Variants in CTNND2 observed in about 807,000 individuals in gnomAD.
The protein encoded by CTNND2 is catenin delta-2.
In CTNND2, 22 loss-of-function variants were observed where a neutral mutation model predicts 144.4. That is an observed-to-expected ratio of 0.15 (90% CI 0.11 to 0.22). CTNND2 has a LOEUF of 0.22. Ranked by LOEUF, CTNND2 falls within the 10% of genes least tolerant of loss-of-function variation. The probability of loss-of-function intolerance (pLI) is 1.00; values close to 1 mark genes in which losing one functional copy is unlikely to be tolerated. For missense variants in CTNND2, 1,353 were observed against 1,618.8 expected (o/e 0.84, Z 2.82); for synonymous variants, 751 against 695.6 (o/e 1.08, Z -1.25).
At chr5:11,073,170 T>C (rs16901233) in intron 16 of CTNND2, among the ~76,000 whole-genome samples, 3,572 of 152,366 alleles carry the variant, frequency 0.023, 155 homozygotes, top group African/African-American at 0.081. Context: ...TCTTTCCACC[T>C]GATTGAGACT....
intron 2 of CTNND2, among the ~76,000 whole-genome samples, chr5:11,593,796 A>G (rs1486093897): frequency 6.6e-6 from 1 of 152,178 alleles, no homozygotes; most frequent in Non-Finnish European, 1.5e-5. Flanking sequence ...ATTTCTTCAT[A>G]ACAGTATGAA....
intron 11 of CTNND2, among the ~76,000 whole-genome samples, chr5:11,160,612 G>A (rs1758676232): frequency 6.6e-6 from 1 of 152,046 alleles, no homozygotes; most frequent in South Asian, 2.1e-4. Context: ...AAGAAAAAAA[G>A]GAACAGAGAA....
At chr5:11,248,156 T>C (rs912716840) in intron 9 of CTNND2, among the ~76,000 whole-genome samples, 2 of 151,964 alleles carry the variant, frequency 1.3e-5, no homozygotes, top group African/African-American at 4.8e-5. Context: ...GAACCTGGAG[T>C]GTAAATAAGA....
intron 8 of CTNND2, among the ~76,000 whole-genome samples, chr5:11,353,038 A>G (rs1210272497): frequency 6.6e-6 from 1 of 151,508 alleles, no homozygotes; most frequent in Non-Finnish European, 1.5e-5. Context: ...GTCACGATGA[A>G]TGATGAAGAG....
At chr5:11,304,884 C>T (rs868740442) in intron 9 of CTNND2, among the ~76,000 whole-genome samples, 4 of 152,296 alleles carry the variant, frequency 2.6e-5, no homozygotes, top group Middle Eastern at 6.8e-3. Flanking sequence ...AAGCTCAATG[C>T]GGAAAAGAAC....
At chr5:11,039,742 T>G (rs1744485087) in intron 16 of CTNND2, among the ~76,000 whole-genome samples, 1 of 152,086 alleles carries the variant, frequency 6.6e-6, no homozygotes, top group Non-Finnish European at 1.5e-5. Context: ...GTTCCTTATG[T>G]TTTTTTCTAA....
intron 9 of CTNND2, among the ~76,000 whole-genome samples, chr5:11,304,064 C>T (rs942095080): frequency 3.9e-5 from 6 of 152,112 alleles, no homozygotes; most frequent in Non-Finnish European, 7.4e-5. Flanking sequence ...GAGGCCTCCC[C>T]AGCCACGTGG....
At chr5:11,443,246 GT>G (rs1764456010) in intron 3 of CTNND2, among the ~76,000 whole-genome samples, 1 of 124,384 alleles carries the variant, frequency 8.0e-6, no homozygotes, top group African/African-American at 3.7e-5. Flanking sequence ...ATGTGTGTGT[GT>G]GTGTGCTGTG....
chr5:11,185,084 C>T (rs1034817031), intron 11 of CTNND2, among the ~76,000 whole-genome samples: 2 of 152,170 alleles, frequency 1.3e-5, no homozygotes, highest in East Asian at 1.9e-4. Flanking sequence ...AGAGAGTTTG[C>T]CCCTGTAACC....
chr5:11,406,122 G>C (rs1761086747), intron 5 of CTNND2, among the ~76,000 whole-genome samples: 1 of 152,150 alleles, frequency 6.6e-6, no homozygotes, highest in Non-Finnish European at 1.5e-5. Context: ...ACACCAGCCT[G>C]GGCAACAAAA....
At chr5:11,160,411 A>G (rs1268097892) in intron 11 of CTNND2, among the ~76,000 whole-genome samples, 1 of 152,270 alleles carries the variant, frequency 6.6e-6, no homozygotes, top group Non-Finnish European at 1.5e-5. Context: ...TCCACAATGG[A>G]CAGAGCGTCA....
intron 21 of CTNND2, among the ~76,000 whole-genome samples, chr5:10,974,058 A>C (rs546723687): frequency 8.4e-4 from 128 of 152,318 alleles, no homozygotes; most frequent in African/African-American, 2.9e-3. Context: ...ACCACTTTTT[A>C]AATCATCCCA....
At chr5:11,212,025 T>C (rs754581209) in intron 10 of CTNND2, among the ~76,000 whole-genome samples, 3 of 152,236 alleles carry the variant, frequency 2.0e-5, no homozygotes, top group Non-Finnish European at 4.4e-5. Flanking sequence ...TTATTATATG[T>C]ATTACATGAT....
At chr5:11,585,161 A>G (rs1778747664) in intron 2 of CTNND2, among the ~76,000 whole-genome samples, 1 of 152,064 alleles carries the variant, frequency 6.6e-6, no homozygotes, top group South Asian at 2.1e-4. Context: ...AGGTTGTTTC[A>G]CTAAGAGTCT....
chr5:11,379,848 G>A (rs762765999), intron 7 of CTNND2, among the ~76,000 whole-genome samples: 2 of 152,066 alleles, frequency 1.3e-5, no homozygotes, highest in Non-Finnish European at 2.9e-5. Context: ...TGGATAAAAC[G>A]CTAAGTCCAT....
chr5:11,362,810 C>T (rs1251768707), intron 8 of CTNND2, among the ~76,000 whole-genome samples: 4 of 152,088 alleles, frequency 2.6e-5, no homozygotes, highest in South Asian at 2.1e-4. Flanking sequence ...CTCCATTGAC[C>T]GCTTGGAGCA....
intron 3 of CTNND2, among the ~76,000 whole-genome samples, chr5:11,417,792 T>C (rs1762041963): frequency 6.6e-6 from 1 of 152,182 alleles, no homozygotes; most frequent in Non-Finnish European, 1.5e-5. Flanking sequence ...ATTTTGCTTC[T>C]ATGTAGAGAC....
chr5:11,223,605 G>T (rs1008055823), intron 10 of CTNND2, among the ~76,000 whole-genome samples: 11 of 152,152 alleles, frequency 7.2e-5, no homozygotes, highest in African/African-American at 2.2e-4. Flanking sequence ...CCTTGAACTT[G>T]GTCCTGGGGG....
At chr5:11,097,266 T>C (rs1751444178) in intron 15 of CTNND2, among the ~76,000 whole-genome samples, 1 of 152,156 alleles carries the variant, frequency 6.6e-6, no homozygotes. Flanking sequence ...TGATTTCCAT[T>C]AGTATCTCTT....
Sources: gnomAD v4.1 joint callset for allele counts (sites outside exome capture counted in the v4.1 genomes callset) on GRCh38, gnomAD v4.1.1 for gene constraint, MANE v1.5 for transcripts, NCBI Gene and HGNC (gene_info 2026-07-23, HGNC 2026-07-21) for gene names.